TENM3: variants seen among roughly 807,000 people sequenced by gnomAD.
TENM3 encodes teneurin transmembrane protein 3, also known as teneurin-3.
Under a neutral mutation model 255.1 loss-of-function variants are expected in TENM3, and 63 were observed. The observed-to-expected ratio is 0.25, with a 90% confidence interval of 0.20 to 0.30. The LOEUF (loss-of-function observed/expected upper bound fraction) is 0.30, where lower values mean the gene tolerates loss of function less well. TENM3 is among the 10% of genes least tolerant of loss of function. The pLI is 1.00. For missense variants in TENM3, 2,929 were observed against 3,461.1 expected (o/e 0.85, Z 3.86); for synonymous variants, 1,306 against 1,322.3 (o/e 0.99, Z 0.27).
chr4:182,672,043 C>G (rs1986476), intron 6 of TENM3, among the ~76,000 whole-genome samples: 36,088 of 152,036 alleles, frequency 0.24, 4,573 homozygotes, highest in Admixed American at 0.39. Context: ...TGTTCCTCAG[C>G]CTTCTGGACC....
chr4:181,924,003 G>A, the TENM3 span, among the ~76,000 whole-genome samples: 1 of 152,030 alleles, frequency 6.6e-6, no homozygotes, highest in African/African-American at 2.4e-5. Flanking sequence ...TCAGTCTCTT[G>A]GGCTCTTACA....
intron 22 of TENM3, among the ~76,000 whole-genome samples, chr4:182,771,278 A>G (rs1234889443): frequency 6.6e-6 from 1 of 152,198 alleles, no homozygotes; most frequent in Non-Finnish European, 1.5e-5. Flanking sequence ...AAAGGGTCAA[A>G]AAAGGGCAGA....
At chr4:181,558,246 A>C in the TENM3 span, among the ~76,000 whole-genome samples, 1 of 152,184 alleles carries the variant, frequency 6.6e-6, no homozygotes, top group Non-Finnish European at 1.5e-5. Flanking sequence ...CATGCCAAAA[A>C]TTTGTCAACA....
At chr4:182,503,090 C>G (rs979742214) in intron 3 of TENM3, among the ~76,000 whole-genome samples, 1 of 152,114 alleles carries the variant, frequency 6.6e-6, no homozygotes, top group Non-Finnish European at 1.5e-5. Context: ...TTCCTTATTT[C>G]AAGCTACAGT....
At chr4:182,612,611 A>C (rs1749119951) in intron 4 of TENM3, among the ~76,000 whole-genome samples, 1 of 152,222 alleles carries the variant, frequency 6.6e-6, no homozygotes, top group South Asian at 2.1e-4. Flanking sequence ...TATGAGTTAA[A>C]ATGCGTACCT....
the TENM3 span, among the ~76,000 whole-genome samples, chr4:181,448,035 G>A: frequency 1.3e-5 from 2 of 151,686 alleles, no homozygotes; most frequent in African/African-American, 4.8e-5. Flanking sequence ...GAGAGACGGT[G>A]AAAGAGAGAG....
At chr4:182,110,443 GC>G in the TENM3 span, among the ~76,000 whole-genome samples, 1 of 151,896 alleles carries the variant, frequency 6.6e-6, no homozygotes, top group Non-Finnish European at 1.5e-5. Context: ...TCCCTCCTCA[GC>G]CTCCCGAGTA....
At chr4:181,942,970 T>C in the TENM3 span, among the ~76,000 whole-genome samples, 1 of 152,214 alleles carries the variant, frequency 6.6e-6, no homozygotes, top group African/African-American at 2.4e-5. Context: ...TGGCACTTAT[T>C]TTCTAGAAAT....
the TENM3 span, among the ~76,000 whole-genome samples, chr4:181,690,544 A>G: frequency 1.2e-4 from 18 of 152,312 alleles, no homozygotes; most frequent in Non-Finnish European, 2.4e-4. Flanking sequence ...ATACATATGT[A>G]TAAAAAATCA....
the TENM3 span, among the ~76,000 whole-genome samples, chr4:181,646,113 A>C: frequency 6.6e-6 from 1 of 152,338 alleles, no homozygotes; most frequent in Non-Finnish European, 1.5e-5. Context: ...TGCAACACAA[A>C]GATAAAATTT....
chr4:182,139,992 C>G (rs764477180), upstream of TENM3, among the ~76,000 whole-genome samples: 4 of 152,324 alleles, frequency 2.6e-5, no homozygotes, highest in Middle Eastern at 3.4e-3. Flanking sequence ...ATGTTTTCCT[C>G]TACAAACAGT....
At chr4:181,848,139 G>A in the TENM3 span, among the ~76,000 whole-genome samples, 3 of 152,106 alleles carry the variant, frequency 2.0e-5, no homozygotes, top group Admixed American at 6.6e-5. Context: ...TTTAGAAATC[G>A]TGGAGTTTAG....
the TENM3 span, among the ~76,000 whole-genome samples, chr4:181,628,159 C>A: frequency 6.6e-6 from 1 of 152,076 alleles, no homozygotes; most frequent in Non-Finnish European, 1.5e-5. Flanking sequence ...CTGTTCCTAT[C>A]CTTGGCCCAC....
intron 3 of TENM3, among the ~76,000 whole-genome samples, chr4:182,399,015 C>T (rs1769046659): frequency 6.6e-6 from 1 of 152,180 alleles, no homozygotes; most frequent in South Asian, 2.1e-4. Flanking sequence ...GTCCCGAACT[C>T]GGTCTTGTGA....
At chr4:182,462,794 G>A (rs951158458) in intron 3 of TENM3, among the ~76,000 whole-genome samples, 5 of 152,020 alleles carry the variant, frequency 3.3e-5, no homozygotes, top group South Asian at 2.1e-4. Context: ...GGCTGAGGCA[G>A]GAGAATCACT....
chr4:182,121,221 C>A, the TENM3 span, among the ~76,000 whole-genome samples: 1 of 152,064 alleles, frequency 6.6e-6, no homozygotes, highest in African/African-American at 2.4e-5. Context: ...TGGTCTCGAA[C>A]TACTGACCTC....
the TENM3 span, among the ~76,000 whole-genome samples, chr4:181,605,504 A>AAGAT: frequency 6.6e-5 from 1 of 15,148 alleles, no homozygotes; most frequent in African/African-American, 1.9e-4. Flanking sequence ...GAAAGAAAGA[A>AAGAT]AGAAAGAAAG....
chr4:181,923,892 T>C, the TENM3 span, among the ~76,000 whole-genome samples: 1 of 152,198 alleles, frequency 6.6e-6, no homozygotes, highest in East Asian at 1.9e-4. Flanking sequence ...TAAAAACTGT[T>C]GTTGTACCTA....
intron 4 of TENM3, among the ~76,000 whole-genome samples, chr4:182,601,556 C>T (rs1747874577): frequency 6.6e-6 from 1 of 152,140 alleles, no homozygotes; most frequent in South Asian, 2.1e-4. Context: ...TGTACTTTCT[C>T]AGACTATATT....
Sources: allele counts gnomAD v4.1 joint callset (sites outside exome capture counted in the v4.1 genomes callset), GRCh38; gene constraint gnomAD v4.1.1; transcripts MANE v1.5; gene names NCBI Gene and HGNC (gene_info 2026-07-23, HGNC 2026-07-21).